Variants in RPH3A observed in about 807,000 individuals in gnomAD.
RPH3A encodes rabphilin-3A.
Under a neutral mutation model 102.2 loss-of-function variants are expected in RPH3A, and 48 were observed. The ratio of observed to expected loss-of-function variants is 0.47; its 90% CI spans 0.37 to 0.60. RPH3A has a LOEUF of 0.60. Ranked by LOEUF, RPH3A falls within the 20% of genes least tolerant of loss-of-function variation. The pLI is 0.00. For missense variants in RPH3A, 781 were observed against 910.1 expected, an observed-to-expected ratio of 0.86 and a Z score of 1.83; for synonymous variants, 310 against 324.3, an observed-to-expected ratio of 0.96 and a Z score of 0.47.
At chr12:112,760,155 TTC>T in intron 1 of RPH3A, among the ~76,000 whole-genome samples, 1 of 152,320 alleles carries the variant, frequency 6.6e-6, no homozygotes, top group Non-Finnish European at 1.5e-5. Flanking sequence ...AGCGTGGGTA[TTC>T]TCATTACCTC....
intron 4 of RPH3A, among the ~76,000 whole-genome samples, chr12:112,837,064 T>A (rs1307916829): frequency 6.6e-6 from 1 of 152,216 alleles, no homozygotes. Flanking sequence ...ACAGATTGGA[T>A]GACGGGTCCA....
intron 1 of RPH3A, among the ~76,000 whole-genome samples, chr12:112,631,724 A>G (rs111343568): frequency 0.024 from 3,572 of 151,662 alleles, 148 homozygotes; most frequent in African/African-American, 0.081. Context: ...GGCTCTCCTC[A>G]TGTTGCCCAG....
At chr12:112,808,610 T>C (rs1046379126) in intron 2 of RPH3A, among the ~76,000 whole-genome samples, 2 of 152,240 alleles carry the variant, frequency 1.3e-5, no homozygotes, top group Admixed American at 1.3e-4. Flanking sequence ...AAGACAGTGT[T>C]GCTAGAAGGG....
chr12:112,871,666 A>G (rs994809740), intron 10 of RPH3A, among the ~76,000 whole-genome samples: 3 of 151,616 alleles, frequency 2.0e-5, no homozygotes, highest in South Asian at 2.1e-4. Flanking sequence ...GGCATAAATT[A>G]AGAATACACA....
Position 112,613,411 on chromosome 12 carries a change from C to T in RPH3A, c.-140+38092C>T, listed in dbSNP as rs1190243171. On this transcript the variant is annotated intron_variant, in intron 1 of 21. Coordinates refer to the RPH3A transcript ENST00000543106. The stretch of plus-strand genomic sequence containing the variant: ...CTGGAGATTTGGATCCTGGCTCTGC[C>T]TCTGACCAGCTATGGTTGATGGAGT... 5.7e-4 allele frequency among the ~76,000 whole-genome samples: 86 copies of T among 152,148 alleles called. 1 individual carries two copies. Among genetic ancestry groups the T allele is most frequent in the East Asian group, 1.9e-4 (1 of 5,166 alleles).
chr12:112,689,308 A>G (rs1483841216), intron 1 of RPH3A, among the ~76,000 whole-genome samples: 4 of 152,242 alleles, frequency 2.6e-5, no homozygotes, highest in Non-Finnish European at 5.9e-5. Context: ...GAGGTTGCCA[A>G]GTGGCTCCAT....
intron 5 of RPH3A, 108 bp from the exon 6 acceptor site, chr12:112,865,306 C>G (rs1451203957): frequency 7.7e-7 from 1 of 1,297,286 alleles, no homozygotes; most frequent in Admixed American, 2.2e-5. Flanking sequence ...ATCAGACGCA[C>G]AACAGCGTAT....
chr12:112,855,983 C>G (rs1265365264), intron 5 of RPH3A, among the ~76,000 whole-genome samples: 1 of 152,160 alleles, frequency 6.6e-6, no homozygotes, highest in East Asian at 1.9e-4. Flanking sequence ...TGTACCCACT[C>G]TCCCACTTTG....
At chr12:112,768,847 G>A (rs928795334) in intron 1 of RPH3A, among the ~76,000 whole-genome samples, 1 of 152,104 alleles carries the variant, frequency 6.6e-6, no homozygotes, top group South Asian at 2.1e-4. Context: ...AGGGATTTGC[G>A]GCTGCAGTGA....
intron 1 of RPH3A, among the ~76,000 whole-genome samples, chr12:112,760,181 A>AT (rs1404049617): frequency 1.3e-5 from 2 of 152,102 alleles, no homozygotes; most frequent in East Asian, 3.8e-4. Context: ...ACTGACCACC[A>AT]TTTTTTGTTG....
At chr12:112,657,373 CA>C (rs1464300925) in intron 1 of RPH3A, among the ~76,000 whole-genome samples, 1 of 151,698 alleles carries the variant, frequency 6.6e-6, no homozygotes, top group Non-Finnish European at 1.5e-5. Context: ...TTTTTATAAG[CA>C]GAAGGAATAC....
At position 112,881,768 on chromosome 12, in the gene RPH3A, G is replaced by T. The variant is rs1294190928; in HGVS notation, c.1252-4G>T. On this transcript the variant is annotated splice_region_variant and splice_polypyrimidine_tract_variant and intron_variant, in intron 14 of 21. Transcript: ENST00000389385. ...CCTCACACCATTGCCTCCTTCTCTT[G>T]CAGGGCCTGAAGCCCATGGATTCAA... The T allele has an allele frequency of 5.0e-6, 8 of 1,607,924 alleles. No individual in the cohort carries two copies. Among genetic ancestry groups the T allele is most frequent in the Admixed American group, 1.7e-5 (1 of 59,554 alleles).
intron 17 of RPH3A, 57 bp from the exon 18 acceptor site, chr12:112,889,967 C>G: frequency 6.6e-7 from 1 of 1,515,056 alleles, no homozygotes; most frequent in Non-Finnish European, 9.2e-7. Flanking sequence ...GTCCTTCTTG[C>G]GCAGGAAGAT....
intron 1 of RPH3A, among the ~76,000 whole-genome samples, chr12:112,719,791 T>A (rs1007880714): frequency 1.5e-4 from 23 of 152,222 alleles, no homozygotes; most frequent in Non-Finnish European, 3.2e-4. Context: ...TTCTTACGTT[T>A]GATTAAGGGA....
At chr12:112,601,206 C>T (rs2135968746) in intron 1 of RPH3A, among the ~76,000 whole-genome samples, 1 of 152,286 alleles carries the variant, frequency 6.6e-6, no homozygotes, top group Non-Finnish European at 1.5e-5. Context: ...AACTCCTAGC[C>T]TGAAGTTGGC....
At chr12:112,590,356 T>C (rs1235615791) in intron 1 of RPH3A, among the ~76,000 whole-genome samples, 2 of 152,120 alleles carry the variant, frequency 1.3e-5, no homozygotes, top group African/African-American at 4.8e-5. Flanking sequence ...TGAATGAGGG[T>C]TCCAGTCTCG....
At chr12:112,712,879 T>TTTCTTC (rs374301306) in intron 1 of RPH3A, among the ~76,000 whole-genome samples, 51 of 136,836 alleles carry the variant, frequency 3.7e-4, no homozygotes, top group African/African-American at 1.3e-3. Flanking sequence ...CTCACTTTTT[T>TTTCTTC]TTCTTCTTCT....
At chr12:112,670,932 C>T (rs1005008093) in intron 1 of RPH3A, among the ~76,000 whole-genome samples, 3 of 152,026 alleles carry the variant, frequency 2.0e-5, no homozygotes, top group African/African-American at 4.8e-5. Context: ...TCTGCAAAAT[C>T]GTGTTGCAAA....
chr12:112,702,266 C>A (rs1053365573), intron 1 of RPH3A, among the ~76,000 whole-genome samples: 1 of 152,224 alleles, frequency 6.6e-6, no homozygotes, highest in African/African-American at 2.4e-5. Context: ...CACTTCTTTG[C>A]CCATACTTCC....
Sources: gnomAD v4.1 joint callset for allele counts (sites outside exome capture counted in the v4.1 genomes callset) on GRCh38, gnomAD v4.1.1 for gene constraint, MANE v1.5 for transcripts, NCBI Gene and HGNC (gene_info 2026-07-23, HGNC 2026-07-21) for gene names.